Variants in RAB9B observed in about 807,000 individuals in gnomAD.
RAB9B encodes the protein ras-related protein Rab-9B.
In RAB9B, 1 loss-of-function variant was observed where a neutral mutation model predicts 8.9. The ratio of observed to expected loss-of-function variants is 0.11; its 90% CI spans 0.04 to 0.53. The LOEUF is 0.53. Among genes scored for constraint, RAB9B ranks in the 20% least tolerant of loss-of-function variants. The probability of loss-of-function intolerance (pLI) is 0.93; values close to 1 mark genes in which losing one functional copy is unlikely to be tolerated. For missense variants in RAB9B, 82 were observed against 152.9 expected, an observed-to-expected ratio of 0.54 and a Z score of 2.45; for synonymous variants, 63 against 57.0, an observed-to-expected ratio of 1.10 and a Z score of -0.47.
chrX:103,800,120 T>A, the RAB9B span, among the ~76,000 whole-genome samples: 1 of 112,036 alleles, frequency 8.9e-6, no homozygotes, highest in African/African-American at 3.2e-5. Flanking sequence ...GACCATTTTT[T>A]AAAAGCCGTC....
chrX:103,804,670 G>A, the RAB9B span, among the ~76,000 whole-genome samples: 100 of 111,610 alleles, frequency 9.0e-4, 1 homozygote, highest in Non-Finnish European at 1.3e-3. Flanking sequence ...ACACCTTTCC[G>A]TTTATTTAGG....
chrX:103,798,575 T>C, the RAB9B span, among the ~76,000 whole-genome samples: 2 of 111,727 alleles, frequency 1.8e-5, no homozygotes, highest in East Asian at 5.6e-4. Flanking sequence ...TATGCAAAGA[T>C]TTTTGTTGAA....
chrX:103,818,705 G>T (rs1387892858), downstream of RAB9B, among the ~76,000 whole-genome samples: 1 of 111,269 alleles, frequency 9.0e-6, no homozygotes, highest in Middle Eastern at 4.2e-3. Flanking sequence ...AAGTAAAAAA[G>T]ATTACAGTGT....
the RAB9B span, chrX:103,786,333 G>T: frequency 3.9e-6 from 4 of 1,029,401 alleles, no homozygotes; most frequent in Non-Finnish European, 5.5e-6. Context: ...GGAGGAACCT[G>T]GTGATTCCTC....
chrX:103,830,887 T>A (rs1450681429), intron 1 of RAB9B, among the ~76,000 whole-genome samples: 1 of 111,588 alleles, frequency 9.0e-6, no homozygotes, highest in African/African-American at 3.3e-5. Context: ...GAAAAGCAAA[T>A]TCGCATCAGT....
chrX:103,808,795 G>C, the RAB9B span, among the ~76,000 whole-genome samples: 1 of 112,839 alleles, frequency 8.9e-6, no homozygotes, highest in Non-Finnish European at 1.9e-5. Context: ...CCTGGGCTTC[G>C]GGGATCCAGC....
the RAB9B span, chrX:103,786,097 C>T: frequency 6.5e-6 from 7 of 1,070,664 alleles, no homozygotes; most frequent in East Asian, 2.8e-4. Flanking sequence ...GGCACTAAGC[C>T]TCTCCTGTTC....
the RAB9B span, chrX:103,792,400 AATAAC>A: frequency 3.6e-5 from 4 of 112,599 alleles, no homozygotes; most frequent in East Asian, 1.1e-3. Flanking sequence ...GTTTTGATTT[AATAAC>A]ATAACAAATA....
At chrX:103,797,292 A>G in the RAB9B span, among the ~76,000 whole-genome samples, 1 of 109,986 alleles carries the variant, frequency 9.1e-6, no homozygotes, top group Non-Finnish European at 1.9e-5. Context: ...TGGTTTTGCC[A>G]TGTTGCCCAG....
At chrX:103,830,322 C>T (rs760209787) in intron 1 of RAB9B, among the ~76,000 whole-genome samples, 91 of 111,298 alleles carry the variant, frequency 8.2e-4, no homozygotes, top group African/African-American at 2.9e-3. Flanking sequence ...ATTTTTTCCT[C>T]CCCCAGAATA....
the RAB9B span, among the ~76,000 whole-genome samples, chrX:103,814,846 A>T: frequency 2.0e-4 from 22 of 112,158 alleles, no homozygotes; most frequent in African/African-American, 6.8e-4. Flanking sequence ...GAAGAAATGG[A>T]TAAATTCCTG....
the RAB9B span, among the ~76,000 whole-genome samples, chrX:103,807,461 C>T: frequency 1.8e-5 from 2 of 111,860 alleles, no homozygotes; most frequent in African/African-American, 6.5e-5. Flanking sequence ...TCCTCCTCTT[C>T]ACCTCTCTCT....
the RAB9B span, among the ~76,000 whole-genome samples, chrX:103,777,905 G>A: frequency 9.2e-4 from 104 of 112,610 alleles, 1 homozygote; most frequent in African/African-American, 3.3e-3. Context: ...TAAATGAAAT[G>A]AGACTCAGTT....
chrX:103,790,623 C>G, the RAB9B span: 1 of 1,110,082 alleles, frequency 9.0e-7, no homozygotes. Context: ...CCCCCTTTCT[C>G]TAATAGCGAG....
At chrX:103,787,825 G>A in the RAB9B span, 33 of 1,208,074 alleles carry the variant, frequency 2.7e-5, no homozygotes, top group Non-Finnish European at 3.4e-5. Flanking sequence ...TGCCCTGACC[G>A]TTGTGTGGCT....
chrX:103,806,715 T>C, the RAB9B span, among the ~76,000 whole-genome samples: 2 of 111,928 alleles, frequency 1.8e-5, no homozygotes, highest in Non-Finnish European at 3.8e-5. Flanking sequence ...ATTATTATTG[T>C]TGAATTGTCC....
chrX:103,782,506 T>A, the RAB9B span, among the ~76,000 whole-genome samples: 1 of 111,971 alleles, frequency 8.9e-6, no homozygotes, highest in Non-Finnish European at 1.9e-5. Flanking sequence ...ACTCTCAGGT[T>A]ATTTGGATGA....
chrX:103,777,889 A>G, the RAB9B span, among the ~76,000 whole-genome samples: 1 of 112,747 alleles, frequency 8.9e-6, no homozygotes. Flanking sequence ...CAGCTTAAAC[A>G]CATCCTAAAT....
rs2074673477 is a variant in RAB9B, at chrX:103,824,034, C to T, written c.*1145G>A. ...TTATGGTATTCTAACAGATGGTCAT[C>T]CAGTGAATATTTTCAGAGGCAGGGA... On this transcript the variant is annotated 3_prime_UTR_variant, in exon 3 of 3. Transcript: ENST00000243298. 1 of 112,082 alleles carries T rather than the reference C, an allele frequency of 8.9e-6. No individual in the cohort carries two copies. The highest frequency in any genetic ancestry group is 9.5e-5 in the Admixed American group (1 of 10,540). 9.2% of individuals were successfully genotyped at this position (112,082 alleles called of 1,213,427 possible). A position where few individuals can be genotyped will look rare whatever the true frequency, so the allele number is the denominator to read the frequency against.
Sources: gnomAD v4.1 joint callset for allele counts (sites outside exome capture counted in the v4.1 genomes callset) on GRCh38, gnomAD v4.1.1 for gene constraint, MANE v1.5 for transcripts, NCBI Gene and HGNC (gene_info 2026-07-23, HGNC 2026-07-21) for gene names.